Variants in CSNK1G1 observed in about 807,000 individuals in gnomAD.
The protein encoded by CSNK1G1 is casein kinase I isoform gamma-1.
A neutral mutation model predicts 59.6 loss-of-function variants in CSNK1G1; 22 were observed. The observed-to-expected ratio is 0.37, with a 90% CI of 0.26 to 0.53. The LOEUF is 0.53. Among genes scored for constraint, CSNK1G1 ranks in the 20% least tolerant of loss-of-function variants. The probability of loss-of-function intolerance (pLI) is 0.89; values close to 1 mark genes in which losing one functional copy is unlikely to be tolerated. For synonymous variants in CSNK1G1, 179 were observed against 177.1 expected, an observed-to-expected ratio of 1.01 and a Z score of -0.08; for missense variants, 384 against 519.5, an observed-to-expected ratio of 0.74 and a Z score of 2.54.
intron 4 of CSNK1G1, among the ~76,000 whole-genome samples, chr15:64,239,587 T>C (rs1227504975): frequency 6.6e-6 from 1 of 152,046 alleles, no homozygotes; most frequent in Non-Finnish European, 1.5e-5. Flanking sequence ...CTATGTTCCC[T>C]AGGCTGATCT....
chr15:64,186,079 C>G (rs1266221270), intron 10 of CSNK1G1, among the ~76,000 whole-genome samples: 1 of 151,996 alleles, frequency 6.6e-6, no homozygotes. Context: ...TGTGCTGGAT[C>G]TCTGGTTTCC....
At chr15:64,295,690 A>T (rs1894981508) in intron 2 of CSNK1G1, among the ~76,000 whole-genome samples, 1 of 152,236 alleles carries the variant, frequency 6.6e-6, no homozygotes, top group African/African-American at 2.4e-5. Flanking sequence ...AAGTATTACA[A>T]TTAGAGCAAA....
intron 4 of CSNK1G1, among the ~76,000 whole-genome samples, chr15:64,237,409 T>C (rs1460753852): frequency 6.6e-6 from 1 of 152,174 alleles, no homozygotes; most frequent in Non-Finnish European, 1.5e-5. Context: ...AGGTTCACTA[T>C]TTCATCCTTT....
intron 1 of CSNK1G1, among the ~76,000 whole-genome samples, chr15:64,319,545 A>ATTTGT (rs1264347177): frequency 4.0e-5 from 6 of 151,636 alleles, no homozygotes; most frequent in Non-Finnish European, 5.9e-5. Context: ...AGTTCGTTGA[A>ATTTGT]TTTGTTTTGT....
At chr15:64,193,403 G>C (rs2081997696) in intron 10 of CSNK1G1, among the ~76,000 whole-genome samples, 1 of 150,912 alleles carries the variant, frequency 6.6e-6, no homozygotes. Context: ...TGAGGCAGGA[G>C]AATTGCTTGA....
rs2081660319 is a variant in CSNK1G1, at chr15:64,171,194, A to C, written c.*737T>G. On this transcript the variant is annotated 3_prime_UTR_variant, in exon 12 of 12. Transcript: ENST00000303052. The surrounding 1 kb of genome is among the most constrained non-coding windows in gnomAD (Gnocchi z 4.8). The stretch of plus-strand genomic sequence containing the variant: ...AAAAAACTAAAAGTGCAACAAAGTC[A>C]GTTTTCTTTCCTTTGCTTAGAACAA... The C allele has an allele frequency of 6.6e-6, 1 of 152,616 alleles. No individual in the cohort carries two copies. The allele number at this position is 152,616 out of a possible 1,614,324, so 9.5% of individuals were successfully genotyped here.
At chr15:64,198,661 T>G (rs778575956) in intron 10 of CSNK1G1, among the ~76,000 whole-genome samples, 6 of 151,866 alleles carry the variant, frequency 4.0e-5, no homozygotes, top group Non-Finnish European at 7.4e-5. Flanking sequence ...TGAAAGGAAT[T>G]AGTCTAGAAA....
chr15:64,234,544 A>G (rs1488375031), intron 4 of CSNK1G1, among the ~76,000 whole-genome samples: 5 of 152,128 alleles, frequency 3.3e-5, no homozygotes, highest in Admixed American at 3.3e-4. Flanking sequence ...TGAAAGGTGT[A>G]GTTCTGTTTC....
intron 10 of CSNK1G1, among the ~76,000 whole-genome samples, chr15:64,193,270 T>C (rs1567365386): frequency 6.6e-6 from 1 of 151,838 alleles, no homozygotes; most frequent in Non-Finnish European, 1.5e-5. Context: ...GGTGGGTGGA[T>C]CACAAGGTCA....
intron 1 of CSNK1G1, among the ~76,000 whole-genome samples, chr15:64,347,615 AGAAG>A (rs756845486): frequency 1.3e-3 from 192 of 150,628 alleles, no homozygotes; most frequent in African/African-American, 4.1e-3. Context: ...AAACAAGGAA[AGAAG>A]GAAGGAAGGA....
chr15:64,216,078 T>C lies in CSNK1G1; in HGVS notation c.444+484A>G, dbSNP rs1355679159. On this transcript the variant is annotated intron_variant, in intron 5 of 11. Transcript: ENST00000303052. This position sits in a 1 kb window ranked among gnomAD's most constrained non-coding sequence, Gnocchi z 4.6. Reference sequence around the variant, plus strand: ...TCTGTCTCCAAAACACTTTTTTTTTTTTAAATGAGCTGGCATGGCACCTGC... The same window carrying C: ...TCTGTCTCCAAAACACTTTTTTTTTCTTAAATGAGCTGGCATGGCACCTGC... Among the ~76,000 whole-genome samples, 1 of 151,966 alleles carries C rather than the reference T, an allele frequency of 6.6e-6. No homozygotes were observed. Among genetic ancestry groups the C allele is most frequent in the Non-Finnish European group, 1.5e-5 (1 of 67,968 alleles).
chr15:64,263,008 G>A (rs1892778514), intron 2 of CSNK1G1, among the ~76,000 whole-genome samples: 1 of 149,846 alleles, frequency 6.7e-6, no homozygotes, highest in African/African-American at 2.5e-5. Context: ...GAACCCAGGA[G>A]GCAGAGGTTG....
At chr15:64,279,048 T>C (rs1264622487) in intron 2 of CSNK1G1, among the ~76,000 whole-genome samples, 1 of 152,200 alleles carries the variant, frequency 6.6e-6, no homozygotes, top group Non-Finnish European at 1.5e-5. Context: ...ACTGTTAACA[T>C]CAAAAAACAA....
chr15:64,201,206 A>C (rs1382304100), intron 10 of CSNK1G1, among the ~76,000 whole-genome samples: 1 of 144,630 alleles, frequency 6.9e-6, no homozygotes, highest in East Asian at 2.1e-4. Flanking sequence ...TGGGAGACAG[A>C]GGTTGAGGTA....
At chr15:64,260,412 A>C (rs981549978) in intron 2 of CSNK1G1, among the ~76,000 whole-genome samples, 5 of 152,190 alleles carry the variant, frequency 3.3e-5, no homozygotes, top group Non-Finnish European at 7.4e-5. Flanking sequence ...TAGTTTTACT[A>C]TTTTAGTATT....
intron 1 of CSNK1G1, among the ~76,000 whole-genome samples, chr15:64,355,647 C>G (rs1249819865): frequency 1.3e-5 from 2 of 151,926 alleles, no homozygotes; most frequent in Admixed American, 1.3e-4. Flanking sequence ...CTGACGAGAT[C>G]TGTGCCCTCC....
intron 1 of CSNK1G1, among the ~76,000 whole-genome samples, chr15:64,314,565 T>TA (rs34630204): frequency 0.023 from 3,067 of 130,600 alleles, 117 homozygotes; most frequent in African/African-American, 0.081. Flanking sequence ...ACCACAGAAT[T>TA]AAAAAAAAAA....
At chr15:64,192,685 C>T (rs150643174) in intron 10 of CSNK1G1, among the ~76,000 whole-genome samples, 1,929 of 151,444 alleles carry the variant, frequency 0.013, 37 homozygotes, top group African/African-American at 0.044. Flanking sequence ...ATGGTGAGAC[C>T]CTGTCTCTAC....
At chr15:64,247,450 T>C (rs1308140182) in intron 4 of CSNK1G1, among the ~76,000 whole-genome samples, 1 of 152,212 alleles carries the variant, frequency 6.6e-6, no homozygotes, top group Non-Finnish European at 1.5e-5. Context: ...TCTTCCCTGA[T>C]TATCTTGGAG....
Sources: allele counts gnomAD v4.1 joint callset (sites outside exome capture counted in the v4.1 genomes callset), GRCh38; gene constraint gnomAD v4.1.1; non-coding constraint Gnocchi (gnomAD v3.1); transcripts MANE v1.5; gene names NCBI Gene and HGNC (gene_info 2026-07-23, HGNC 2026-07-21).